Variants in FAM78B observed in about 807,000 individuals in gnomAD.
FAM78B encodes protein FAM78B.
FAM78B carries 10 observed loss-of-function variants against 20.0 expected under a neutral mutation model. The ratio of observed to expected loss-of-function variants is 0.50; its 90% CI spans 0.31 to 0.85. The LOEUF is 0.85. Ranked by LOEUF, FAM78B falls within the 40% of genes least tolerant of loss-of-function variation. The probability of loss-of-function intolerance (pLI) is 0.05; values close to 1 mark genes in which losing one functional copy is unlikely to be tolerated. For synonymous variants in FAM78B, 135 were observed against 132.8 expected (o/e 1.02, Z -0.12); for missense variants, 283 against 345.0 (o/e 0.82, Z 1.42).
At chr1:166,122,041 T>C (rs1052114992) in intron 1 of FAM78B, among the ~76,000 whole-genome samples, 2 of 152,202 alleles carry the variant, frequency 1.3e-5, no homozygotes, top group African/African-American at 4.8e-5. Context: ...ACCACACCTC[T>C]GACTGCTTTT....
chr1:166,086,883 C>A (rs1460177413), intron 1 of FAM78B, among the ~76,000 whole-genome samples: 1 of 152,090 alleles, frequency 6.6e-6, no homozygotes, highest in African/African-American at 2.4e-5. Context: ...ACTAGAGGGG[C>A]AGAGAGACTG....
At chr1:166,102,872 C>A (rs1261967051) in intron 1 of FAM78B, among the ~76,000 whole-genome samples, 2 of 152,354 alleles carry the variant, frequency 1.3e-5, no homozygotes, top group East Asian at 3.9e-4. Flanking sequence ...TAGACATCTA[C>A]AGAACTCTCC....
chr1:166,115,098 G>A (rs1025118050), intron 1 of FAM78B, among the ~76,000 whole-genome samples: 5 of 152,170 alleles, frequency 3.3e-5, no homozygotes, highest in African/African-American at 9.7e-5. Context: ...AGCATGGTTT[G>A]TTCGTTCATC....
chr1:166,123,774 AC>A (rs1486984555), intron 1 of FAM78B, among the ~76,000 whole-genome samples: 1 of 152,128 alleles, frequency 6.6e-6, no homozygotes, highest in Non-Finnish European at 1.5e-5. Flanking sequence ...GTGTTTAGAG[AC>A]CCACAACCAC....
At chr1:166,101,028 G>C (rs550910781) in intron 1 of FAM78B, among the ~76,000 whole-genome samples, 1 of 152,232 alleles carries the variant, frequency 6.6e-6, no homozygotes, top group African/African-American at 2.4e-5. Context: ...AACATTTGCT[G>C]TTCACCAATA....
chr1:166,157,910 A>T (rs1046287436), intron 1 of FAM78B, among the ~76,000 whole-genome samples: 4 of 152,294 alleles, frequency 2.6e-5, no homozygotes, highest in African/African-American at 9.6e-5. Context: ...CCTCAGCATG[A>T]AAGGAGCTTA....
intron 1 of FAM78B, among the ~76,000 whole-genome samples, chr1:166,161,536 G>T (rs1656148153): frequency 6.6e-6 from 1 of 152,184 alleles, no homozygotes; most frequent in African/African-American, 2.4e-5. Context: ...GACTGGAGGG[G>T]GACAAGAATG....
chr1:166,165,900 A>T (rs1335014153), intron 1 of FAM78B, 86 bp downstream of exon 1: 1 of 1,489,738 alleles, frequency 6.7e-7, no homozygotes, highest in African/African-American at 1.4e-5. Flanking sequence ...GGACAGCAGT[A>T]GGAAGGAGCT....
chr1:166,163,452 T>C (rs960896215), intron 1 of FAM78B, among the ~76,000 whole-genome samples: 3 of 152,248 alleles, frequency 2.0e-5, no homozygotes, highest in East Asian at 3.8e-4. Flanking sequence ...CAGGAGTTTC[T>C]TGCCATTTTA....
chr1:166,085,841 G>A (rs144747167), intron 1 of FAM78B, among the ~76,000 whole-genome samples: 1 of 152,314 alleles, frequency 6.6e-6, no homozygotes, highest in Non-Finnish European at 1.5e-5. Flanking sequence ...TGGAAACCAG[G>A]AAATAAAGAG....
intron 1 of FAM78B, among the ~76,000 whole-genome samples, chr1:166,099,474 A>C (rs1012621037): frequency 6.6e-6 from 1 of 152,214 alleles, no homozygotes; most frequent in Non-Finnish European, 1.5e-5. Context: ...AAGATGCAGA[A>C]CCCACAGAAT....
chr1:166,124,566 A>G (rs376814527), intron 1 of FAM78B, among the ~76,000 whole-genome samples: 5 of 152,322 alleles, frequency 3.3e-5, no homozygotes, highest in African/African-American at 9.6e-5. Context: ...TCACAGAGTT[A>G]TAAGTAGCAG....
intron 1 of FAM78B, among the ~76,000 whole-genome samples, chr1:166,163,772 T>C (rs1656249402): frequency 6.6e-6 from 1 of 152,238 alleles, no homozygotes; most frequent in South Asian, 2.1e-4. Flanking sequence ...CACATAGCAA[T>C]TATTGCAACC....
intron 1 of FAM78B, among the ~76,000 whole-genome samples, chr1:166,142,274 C>T (rs1232155976): frequency 1.3e-5 from 2 of 152,318 alleles, no homozygotes; most frequent in African/African-American, 4.8e-5. Flanking sequence ...CAGCTTGAGA[C>T]TCTGCACCCA....
chr1:166,133,492 A>G (rs1454918601), intron 1 of FAM78B, among the ~76,000 whole-genome samples: 1 of 152,016 alleles, frequency 6.6e-6, no homozygotes, highest in Non-Finnish European at 1.5e-5. Flanking sequence ...TCTTTGCTTC[A>G]TGTGGGGATC....
rs1323730690 is a variant in FAM78B, at chr1:166,077,829, T to A, written c.264-7066A>T. ...TTTATATGTAGATTATATATAAATA[T>A]ATATAATTTATATATATAATAATAT... On this transcript the variant is annotated intron_variant, in intron 1 of 1. Coordinates refer to ENST00000354422, the MANE Select transcript of FAM78B (RefSeq NM_001017961.5). 3.3e-4 allele frequency among the ~76,000 whole-genome samples: 39 copies of A among 119,542 alleles called. 3 individuals carry two copies. Among genetic ancestry groups the A allele is most frequent in the African/African-American group, 1.2e-3 (39 of 32,124 alleles). The allele number at this position is 119,542 out of a possible 152,430, so 78.4% of individuals were successfully genotyped here. A position where few individuals can be genotyped will look rare whatever the true frequency, so the allele number is the denominator to read the frequency against.
chr1:166,144,677 A>C (rs1655397400), intron 1 of FAM78B, among the ~76,000 whole-genome samples: 1 of 152,146 alleles, frequency 6.6e-6, no homozygotes, highest in African/African-American at 2.4e-5. Context: ...GTGGCTGTTT[A>C]TCTCTCAAAC....
In FAM78B at chr1:166,160,752, G is replaced by A. The variant is rs144348077; in HGVS notation, c.263+5234C>T. ...TGTATCAAATGTTTCTTGAACATCT[G>A]CTATGGGCCATGCACTGTTCATAAA... is the stretch of plus-strand genomic sequence containing the variant. On this transcript the variant is annotated intron_variant, in intron 1 of 1. Transcript: ENST00000354422. 1.5e-4 allele frequency among the ~76,000 whole-genome samples: 23 copies of A among 152,340 alleles called. 2 individuals are homozygous for A. Among genetic ancestry groups the A allele is most frequent in the African/African-American group, 4.8e-4 (20 of 41,576 alleles).
At chr1:166,084,237 A>ACACACACTCTCT (rs771421402) in intron 1 of FAM78B, among the ~76,000 whole-genome samples, 69 of 125,470 alleles carry the variant, frequency 5.5e-4, no homozygotes, top group Admixed American at 2.2e-3. Flanking sequence ...ACACACACAC[A>ACACACACTCTCT]CTCTCTCTCT....
Sources: allele counts gnomAD v4.1 joint callset (sites outside exome capture counted in the v4.1 genomes callset), GRCh38; gene constraint gnomAD v4.1.1; transcripts MANE v1.5; gene names NCBI Gene and HGNC (gene_info 2026-07-23, HGNC 2026-07-21).